The following GRIK1 variants were observed in gnomAD, a reference collection of about 807,000 sequenced individuals.
The protein encoded by GRIK1 is glutamate receptor ionotropic, kainate 1.
Under a neutral mutation model 105.7 loss-of-function variants are expected in GRIK1, and 69 were observed. The observed-to-expected ratio is 0.65, with a 90% CI of 0.54 to 0.80. The LOEUF is 0.80. GRIK1 is among the 30% of genes least tolerant of loss of function. GRIK1 has a pLI of 0.00. For missense variants in GRIK1, 1,109 were observed against 1,167.3 expected (o/e 0.95, Z 0.73); for synonymous variants, 438 against 431.3 (o/e 1.02, Z -0.19).
chr21:29,910,010 A>G (rs1362897743), intron 1 of GRIK1, among the ~76,000 whole-genome samples: 1 of 152,154 alleles, frequency 6.6e-6, no homozygotes, highest in Non-Finnish European at 1.5e-5. Context: ...ATGACCTTGA[A>G]TAGACCTTTT....
intron 1 of GRIK1, among the ~76,000 whole-genome samples, chr21:29,920,801 A>G (rs536888486): frequency 3.3e-5 from 5 of 152,030 alleles, no homozygotes; most frequent in Non-Finnish European, 7.4e-5. Flanking sequence ...ACATGTTTTC[A>G]GAAGAGGCAC....
intron 6 of GRIK1, among the ~76,000 whole-genome samples, chr21:29,644,239 A>G (rs1473351659): frequency 1.3e-5 from 2 of 152,278 alleles, no homozygotes; most frequent in Admixed American, 6.5e-5. Flanking sequence ...TTGAATCATT[A>G]TTATTCTGTT....
At chr21:29,557,855 G>A (rs2090295316) in intron 15 of GRIK1, among the ~76,000 whole-genome samples, 1 of 152,162 alleles carries the variant, frequency 6.6e-6, no homozygotes, top group African/African-American at 2.4e-5. Context: ...GTGCTTTGAA[G>A]AGTGTAAGAA....
intron 1 of GRIK1, among the ~76,000 whole-genome samples, chr21:29,704,682 T>A (rs1409732533): frequency 6.6e-6 from 1 of 152,154 alleles, no homozygotes; most frequent in African/African-American, 2.4e-5. Context: ...TGGAGGGTGG[T>A]TATTGAGGTC....
intron 1 of GRIK1, among the ~76,000 whole-genome samples, chr21:29,744,737 T>C (rs925477160): frequency 3.3e-5 from 5 of 152,326 alleles, no homozygotes; most frequent in East Asian, 3.9e-4. Flanking sequence ...GTCCTTGGGA[T>C]AAGGACAGCA....
At chr21:29,728,686 G>T (rs1313247432) in intron 1 of GRIK1, among the ~76,000 whole-genome samples, 1 of 152,174 alleles carries the variant, frequency 6.6e-6, no homozygotes, top group Non-Finnish European at 1.5e-5. Context: ...CCATGTGCTA[G>T]GCACTGCTCT....
chr21:29,628,076 C>T (rs1290733102), intron 7 of GRIK1, among the ~76,000 whole-genome samples: 1 of 152,182 alleles, frequency 6.6e-6, no homozygotes, highest in Non-Finnish European at 1.5e-5. Context: ...TACTGTCTTT[C>T]TCAGGTCCAC....
intron 1 of GRIK1, among the ~76,000 whole-genome samples, chr21:29,897,156 T>C (rs2070200655): frequency 6.6e-6 from 1 of 152,228 alleles, no homozygotes; most frequent in African/African-American, 2.4e-5. Context: ...CTGAGTGATT[T>C]GTAGCAAGTA....
At chr21:29,755,984 T>C (rs1373032423) in intron 1 of GRIK1, among the ~76,000 whole-genome samples, 2 of 152,230 alleles carry the variant, frequency 1.3e-5, no homozygotes, top group African/African-American at 4.8e-5. Flanking sequence ...TAAGGTTGTC[T>C]GGCTTATAAA....
intron 1 of GRIK1, among the ~76,000 whole-genome samples, chr21:29,749,419 C>T (rs1298493127): frequency 6.6e-6 from 1 of 152,210 alleles, no homozygotes; most frequent in Non-Finnish European, 1.5e-5. Flanking sequence ...ATAGCCTTGG[C>T]CTCAGCATCT....
At chr21:29,583,422 G>A (rs180801658) in intron 12 of GRIK1, among the ~76,000 whole-genome samples, 3 of 152,148 alleles carry the variant, frequency 2.0e-5, no homozygotes, top group East Asian at 3.9e-4. Context: ...AATAAATTAA[G>A]AGCCTAATGT....
intron 1 of GRIK1, among the ~76,000 whole-genome samples, chr21:29,894,661 G>T (rs1472849626): frequency 2.6e-5 from 4 of 152,094 alleles, no homozygotes; most frequent in Non-Finnish European, 1.5e-5. Context: ...TTGACATTCA[G>T]TATCAACCAT....
intron 7 of GRIK1, among the ~76,000 whole-genome samples, chr21:29,603,454 G>C (rs377490657): frequency 6.6e-6 from 1 of 151,924 alleles, no homozygotes; most frequent in East Asian, 1.9e-4. Context: ...ATATCTTTAT[G>C]GTCAGTAGTA....
intron 7 of GRIK1, 27 bp from the exon 8 acceptor site, chr21:29,598,964 T>A (rs896541775): frequency 4.9e-6 from 5 of 1,014,186 alleles, no homozygotes; most frequent in Non-Finnish European, 7.6e-6. Flanking sequence ...ATGTGGCTGT[T>A]ATTGTTAAAC....
chr21:29,570,781 G>A (rs1408575343), intron 14 of GRIK1, among the ~76,000 whole-genome samples: 1 of 151,038 alleles, frequency 6.6e-6, no homozygotes, highest in East Asian at 1.9e-4. Flanking sequence ...GAGTGTTGAT[G>A]ATCTTGTGAC....
intron 1 of GRIK1, among the ~76,000 whole-genome samples, chr21:29,810,588 T>TGG (rs1473037422): frequency 1.3e-5 from 2 of 152,154 alleles, no homozygotes; most frequent in East Asian, 3.9e-4. Context: ...TGTCAATCTA[T>TGG]GGAAACACAA....
intron 1 of GRIK1, among the ~76,000 whole-genome samples, chr21:29,853,128 A>G (rs539819929): frequency 6.6e-6 from 1 of 152,320 alleles, no homozygotes; most frequent in African/African-American, 2.4e-5. Context: ...TCTACTGGCA[A>G]AATATTTTAT....
chr21:29,573,667 T>C (rs1568834385), intron 14 of GRIK1, among the ~76,000 whole-genome samples: 1 of 152,032 alleles, frequency 6.6e-6, no homozygotes, highest in Non-Finnish European at 1.5e-5. Flanking sequence ...CTGGCCAACA[T>C]GGTGAAACCC....
Position 29,898,406 on chromosome 21 carries a change from C to G in GRIK1, c.118+40977G>C, listed in dbSNP as rs560260818. 3.3e-5 allele frequency among the ~76,000 whole-genome samples: 5 copies of G among 152,268 alleles called. No individual in the cohort carries two copies. In the South Asian group the frequency reaches 1.0e-3, roughly 32 times the overall value. On this transcript the variant is annotated intron_variant, in intron 1 of 17. Coordinates refer to ENST00000327783, the MANE Select transcript of GRIK1 (RefSeq NM_001330994.2). ...AGAAGGGATGACAGGGCAAAAGGTT[C>G]TATGGGCACAGGTCAGGTGAGGGGG...
Sources: gnomAD v4.1 joint callset for allele counts (sites outside exome capture counted in the v4.1 genomes callset) on GRCh38, gnomAD v4.1.1 for gene constraint, MANE v1.5 for transcripts, NCBI Gene and HGNC (gene_info 2026-07-23, HGNC 2026-07-21) for gene names.